Variants in CFAP47 observed in about 807,000 individuals in gnomAD.
CFAP47 encodes cilia and flagella associated protein 47, also known as cilia- and flagella-associated protein 47.
A neutral mutation model predicts 148.1 loss-of-function variants in CFAP47; 29 were observed. That is an observed-to-expected ratio of 0.20 (90% confidence interval 0.15 to 0.27). CFAP47 has a LOEUF of 0.27. Among genes scored for constraint, CFAP47 ranks in the 10% least tolerant of loss-of-function variants. The pLI, the probability that CFAP47 is intolerant of heterozygous loss-of-function variation, is 1.00. For synonymous variants in CFAP47, 664 were observed against 577.3 expected (o/e 1.15, Z -2.15); for missense variants, 1,872 against 1,697.5 (o/e 1.10, Z -1.81).
chrX:36,152,126 A>G (rs1436517181), intron 37 of CFAP47, among the ~76,000 whole-genome samples: 1 of 108,416 alleles, frequency 9.2e-6, no homozygotes, highest in South Asian at 3.9e-4. Flanking sequence ...CTTTTTTTTT[A>G]GCTTTATTGA....
intron 3 of CFAP47, among the ~76,000 whole-genome samples, chrX:35,945,398 G>T (rs1342069743): frequency 9.0e-6 from 1 of 110,961 alleles, no homozygotes; most frequent in African/African-American, 3.3e-5. Flanking sequence ...TTCAGTCAAG[G>T]TACTCTCCTT....
intron 57 of CFAP47, among the ~76,000 whole-genome samples, chrX:36,322,073 CACTT>C (rs1282581723): frequency 5.4e-5 from 6 of 110,983 alleles, no homozygotes; most frequent in South Asian, 7.5e-4. Flanking sequence ...GATTGCCCCT[CACTT>C]AATTAGCCAC....
chrX:36,262,788 C>G (rs1254882246), intron 49 of CFAP47, among the ~76,000 whole-genome samples: 1 of 111,921 alleles, frequency 8.9e-6, no homozygotes, highest in Non-Finnish European at 1.9e-5. Flanking sequence ...TAAGGAACCT[C>G]TAAACTGTTC....
intron 15 of CFAP47, among the ~76,000 whole-genome samples, chrX:35,976,604 G>A (rs1936574544): frequency 9.0e-6 from 1 of 111,300 alleles, no homozygotes; most frequent in African/African-American, 3.3e-5. Context: ...ACAGCCTGGA[G>A]CAGTTGACAG....
chrX:35,955,537 T>G (rs1318978961), intron 7 of CFAP47, among the ~76,000 whole-genome samples: 1 of 111,778 alleles, frequency 8.9e-6, no homozygotes, highest in African/African-American at 3.2e-5. Flanking sequence ...ATTTTCACAT[T>G]TTTTTCCAGA....
chrX:36,060,222 A>G (rs1298983086), intron 26 of CFAP47, among the ~76,000 whole-genome samples: 4 of 111,929 alleles, frequency 3.6e-5, no homozygotes, highest in Non-Finnish European at 7.5e-5. Flanking sequence ...GAACATATAT[A>G]TATACACAAA....
At chrX:36,347,836 G>A (rs1941711234) in intron 57 of CFAP47, among the ~76,000 whole-genome samples, 1 of 110,855 alleles carries the variant, frequency 9.0e-6, no homozygotes, top group African/African-American at 3.3e-5. Flanking sequence ...TGTAAGTGAT[G>A]GGTTGATGGG....
chrX:36,055,036 TG>T (rs1937543891), intron 26 of CFAP47, among the ~76,000 whole-genome samples: 1 of 102,588 alleles, frequency 9.7e-6, no homozygotes, highest in African/African-American at 3.5e-5. Context: ...CCTCCCAAAG[TG>T]CTGGGATTAC....
intron 49 of CFAP47, among the ~76,000 whole-genome samples, chrX:36,266,391 G>A (rs1217853669): frequency 1.8e-5 from 2 of 111,414 alleles, no homozygotes; most frequent in Non-Finnish European, 3.8e-5. Context: ...GGTGGCCATG[G>A]GCTGGAAGTG....
intron 30 of CFAP47, among the ~76,000 whole-genome samples, chrX:36,090,006 T>C (rs1240956986): frequency 8.9e-6 from 1 of 111,932 alleles, no homozygotes. Flanking sequence ...CTGATTCTTG[T>C]GATATCACTA....
chrX:36,358,224 C>T (rs1941800144), intron 60 of CFAP47, among the ~76,000 whole-genome samples: 1 of 112,298 alleles, frequency 8.9e-6, no homozygotes, highest in Non-Finnish European at 1.9e-5. Flanking sequence ...CCTAATACAG[C>T]AGTCATATCT....
chrX:36,241,465 G>A (rs1388108291), intron 48 of CFAP47, among the ~76,000 whole-genome samples: 1 of 111,701 alleles, frequency 9.0e-6, no homozygotes, highest in African/African-American at 3.3e-5. Context: ...CATCTCCCAG[G>A]GCACCTGCCT....
chrX:36,076,520 G>A (rs1037406671), intron 29 of CFAP47, among the ~76,000 whole-genome samples: 5 of 109,871 alleles, frequency 4.6e-5, no homozygotes, highest in Non-Finnish European at 7.6e-5. Context: ...ATGTTCATTG[G>A]CCAGTTATAT....
intron 39 of CFAP47, among the ~76,000 whole-genome samples, chrX:36,166,743 T>C (rs1324484630): frequency 9.0e-6 from 1 of 111,643 alleles, no homozygotes; most frequent in African/African-American, 3.3e-5. Context: ...GCCCCAGGCT[T>C]GCTAATGTTC....
intron 48 of CFAP47, among the ~76,000 whole-genome samples, chrX:36,244,361 A>G (rs1289572790): frequency 1.8e-5 from 2 of 111,494 alleles, no homozygotes; most frequent in Non-Finnish European, 3.8e-5. Flanking sequence ...CAAAGCTAGT[A>G]TTATAAAAGA....
chrX:36,371,727 C>CGTGTGTATAT (rs1941949435), intron 62 of CFAP47, among the ~76,000 whole-genome samples: 4 of 53,441 alleles, frequency 7.5e-5, no homozygotes, highest in Non-Finnish European at 1.3e-4. Flanking sequence ...TATATACACA[C>CGTGTGTATAT]ATGTGTGTAT....
Position 36,127,755 on chromosome X carries a change from C to T in CFAP47, c.5321-10203C>T, listed in dbSNP as rs373757590. Among the ~76,000 whole-genome samples, 15 of 111,067 alleles carry T rather than the reference C, an allele frequency of 1.4e-4. No homozygotes were observed. The East Asian group carries it at 4.0e-3, about 30-fold the overall frequency. ...GAATGTTTTTCCATTTGTTTGTGTCCTCTCTTATTTCATTGAGCAGTGGTT... is the reference window on the plus strand; with the variant it reads ...GAATGTTTTTCCATTTGTTTGTGTCTTCTCTTATTTCATTGAGCAGTGGTT... On this transcript the variant is annotated intron_variant, in intron 33 of 63. Transcript: ENST00000378653.
chrX:36,370,003 C>T (rs1941914599), intron 62 of CFAP47, among the ~76,000 whole-genome samples: 1 of 111,734 alleles, frequency 8.9e-6, no homozygotes, highest in South Asian at 3.8e-4. Context: ...TGGGTATTGT[C>T]ACCAGCTGCA....
intron 48 of CFAP47, among the ~76,000 whole-genome samples, chrX:36,245,891 A>G (rs1940609435): frequency 9.0e-6 from 1 of 111,669 alleles, no homozygotes; most frequent in Non-Finnish European, 1.9e-5. Flanking sequence ...CTGGATCCCT[A>G]TCTTTCACTG....
Sources: allele counts gnomAD v4.1 joint callset (sites outside exome capture counted in the v4.1 genomes callset), GRCh38; gene constraint gnomAD v4.1.1; transcripts MANE v1.5; gene names NCBI Gene and HGNC (gene_info 2026-07-23, HGNC 2026-07-21).